Variants in TESK2 observed in about 807,000 individuals in gnomAD.
TESK2 encodes the protein dual specificity testis-specific protein kinase 2.
TESK2 carries 39 observed loss-of-function variants against 57.1 expected under a neutral mutation model. The observed-to-expected ratio is 0.68, with a 90% CI of 0.53 to 0.89. TESK2 has a LOEUF of 0.89. TESK2 is among the 40% of genes least tolerant of loss of function. TESK2 has a pLI of 0.00. For missense variants in TESK2, 646 were observed against 732.1 expected (o/e 0.88, Z 1.36); for synonymous variants, 249 against 267.9 (o/e 0.93, Z 0.69).
intron 1 of TESK2, among the ~76,000 whole-genome samples, chr1:45,476,057 T>G (rs1180189717): frequency 6.6e-6 from 1 of 152,214 alleles, no homozygotes; most frequent in Non-Finnish European, 1.5e-5. Context: ...ATCGTGGGAC[T>G]TTACCTTGTG....
At position 45,345,273 on chromosome 1, in the gene TESK2, A is replaced by G; in HGVS notation, c.1283T>C (p.Phe428Ser). The G allele has an allele frequency of 1.2e-6, 2 of 1,614,202 alleles. No individual in the cohort carries two copies. Among genetic ancestry groups the G allele is most frequent in the Non-Finnish European group, 1.7e-6 (2 of 1,180,038 alleles). Residue 428 changes from phenylalanine (F) to serine (S), a missense_variant, in exon 11 of 11, where the codon TTT becomes TCT. Physicochemically the swap from Phe to Ser is radical, Grantham distance 155. Coordinates refer to ENST00000372086, the MANE Select transcript of TESK2 (RefSeq NM_007170.3). ...TCCGGGCCCTGGTGCATCCAGGTCA[A>G]ATACCAGAGAGATGACAGACTTGCT... The part of the protein sequence containing the change: ...LPSKSVISLV[F>S]DLDAPGPGTM...
intron 4 of TESK2, among the ~76,000 whole-genome samples, chr1:45,370,455 T>A (rs935462241): frequency 3.9e-5 from 6 of 152,204 alleles, no homozygotes; most frequent in Non-Finnish European, 7.3e-5. Flanking sequence ...CCAGTGGATG[T>A]CAATGTAAAT....
intron 1 of TESK2, among the ~76,000 whole-genome samples, chr1:45,470,519 T>C (rs1299010385): frequency 6.6e-6 from 1 of 152,228 alleles, no homozygotes; most frequent in Non-Finnish European, 1.5e-5. Context: ...ATATACACAA[T>C]GGCATATATT....
intron 1 of TESK2, among the ~76,000 whole-genome samples, chr1:45,465,521 A>C (rs1652515888): frequency 6.6e-6 from 1 of 151,986 alleles, no homozygotes; most frequent in South Asian, 2.1e-4. Context: ...AGAAAGAAAG[A>C]AAAAGAGAAA....
chr1:45,473,053 C>T (rs1652838562), intron 1 of TESK2, among the ~76,000 whole-genome samples: 1 of 149,820 alleles, frequency 6.7e-6, no homozygotes, highest in African/African-American at 2.5e-5. Flanking sequence ...AATCGGGAGA[C>T]TGAGGCAGGA....
At chr1:45,415,218 T>C in intron 3 of TESK2, 1 of 1,487,526 alleles carries the variant, frequency 6.7e-7, no homozygotes. Context: ...TCCGGTTGGA[T>C]GGCAAGCATG....
At chr1:45,489,122 C>A (rs1310149307) in intron 1 of TESK2, among the ~76,000 whole-genome samples, 2 of 147,168 alleles carry the variant, frequency 1.4e-5, no homozygotes, top group Admixed American at 7.0e-5. Flanking sequence ...CAGAGTGAGA[C>A]CCTGACACCA....
intron 3 of TESK2, among the ~76,000 whole-genome samples, chr1:45,389,971 G>T (rs2149276252): frequency 6.6e-6 from 1 of 152,146 alleles, no homozygotes; most frequent in South Asian, 2.1e-4. Context: ...ACCCTTCAAT[G>T]GTTCCCTTCT....
intron 5 of TESK2, among the ~76,000 whole-genome samples, chr1:45,352,189 T>C (rs985832254): frequency 2.0e-5 from 3 of 152,320 alleles, no homozygotes; most frequent in South Asian, 4.1e-4. Flanking sequence ...TATAGTGTAC[T>C]TCCCAGCCTT....
chr1:45,475,623 G>A (rs1315849319), intron 1 of TESK2, among the ~76,000 whole-genome samples: 1 of 152,204 alleles, frequency 6.6e-6, no homozygotes, highest in Non-Finnish European at 1.5e-5. Flanking sequence ...AATACTGAGT[G>A]TCAACTTGAT....
At chr1:45,441,458 T>G (rs1651440896) in intron 2 of TESK2, among the ~76,000 whole-genome samples, 1 of 151,954 alleles carries the variant, frequency 6.6e-6, no homozygotes, top group Non-Finnish European at 1.5e-5. Flanking sequence ...ATTACAGGCG[T>G]GAGCCACCGC....
chr1:45,394,009 C>A (rs1030336737), intron 3 of TESK2, among the ~76,000 whole-genome samples: 10 of 152,134 alleles, frequency 6.6e-5, no homozygotes, highest in African/African-American at 2.4e-4. Context: ...ATACCCCACC[C>A]CAAATCATAC....
At chr1:45,464,046 A>T in intron 1 of TESK2, among the ~76,000 whole-genome samples, 1 of 151,658 alleles carries the variant, frequency 6.6e-6, no homozygotes, top group South Asian at 2.1e-4. Context: ...AAATTTGAGG[A>T]TTTTTTTTCT....
intron 2 of TESK2, among the ~76,000 whole-genome samples, chr1:45,427,200 G>A (rs1468472683): frequency 2.8e-5 from 4 of 142,258 alleles, no homozygotes; most frequent in South Asian, 2.1e-4. Flanking sequence ...CCAAGATCAC[G>A]CCACTGCACT....
At chr1:45,410,605 CA>C (rs527761206) in intron 3 of TESK2, among the ~76,000 whole-genome samples, 106 of 138,842 alleles carry the variant, frequency 7.6e-4, no homozygotes, top group African/African-American at 1.8e-3. Flanking sequence ...AACTCCAACT[CA>C]AAAAAAAAAA....
At chr1:45,422,398 G>T (rs1376388893) in intron 2 of TESK2, among the ~76,000 whole-genome samples, 2 of 151,938 alleles carry the variant, frequency 1.3e-5, no homozygotes, top group Non-Finnish European at 2.9e-5. Flanking sequence ...AAGAAATAAA[G>T]AAAAAAATGA....
At chr1:45,397,033 G>A (rs1178866577) in intron 3 of TESK2, among the ~76,000 whole-genome samples, 1 of 151,396 alleles carries the variant, frequency 6.6e-6, no homozygotes, top group Non-Finnish European at 1.5e-5. Flanking sequence ...TGGCCAGGCG[G>A]GTCTCAAACT....
chr1:45,397,557 T>C (rs1270146810), intron 3 of TESK2, among the ~76,000 whole-genome samples: 2 of 152,202 alleles, frequency 1.3e-5, no homozygotes, highest in Non-Finnish European at 2.9e-5. Context: ...TATCTCCTAT[T>C]ACATCCACCT....
At chr1:45,346,599 A>G (rs967889804) in intron 9 of TESK2, 94 bp downstream of exon 9, 16 of 1,050,526 alleles carry the variant, frequency 1.5e-5, no homozygotes, top group Middle Eastern at 2.1e-4. Flanking sequence ...GAGGTCCCTC[A>G]TGAAGCTAAT....
Sources: allele counts gnomAD v4.1 joint callset (sites outside exome capture counted in the v4.1 genomes callset), GRCh38; gene constraint gnomAD v4.1.1; transcripts MANE v1.5; gene names NCBI Gene and HGNC (gene_info 2026-07-23, HGNC 2026-07-21).